Variants in ELP4 observed in about 807,000 individuals in gnomAD.
ELP4 encodes the protein elongator complex protein 4.
Under a neutral mutation model 48.9 loss-of-function variants are expected in ELP4, and 51 were observed. That is an observed-to-expected ratio of 1.04 (90% confidence interval 0.83 to 1.32). ELP4 has a LOEUF of 1.32. ELP4 is among the 40% of genes most tolerant of loss of function. The pLI, the probability that ELP4 is intolerant of heterozygous loss-of-function variation, is 0.00. For missense variants in ELP4, 519 were observed against 514.6 expected (o/e 1.01, Z -0.08); for synonymous variants, 210 against 189.2 (o/e 1.11, Z -0.90).
intron 9 of ELP4, among the ~76,000 whole-genome samples, chr11:31,755,326 T>TTTATTATTGCATAATGTTGCA: frequency 6.6e-6 from 1 of 152,312 alleles, no homozygotes; most frequent in South Asian, 2.1e-4. Context: ...GCAGACAAGA[T>TTTATTATTGCATAATGTTGCA]TCCTCAAAGG....
At chr11:31,555,370 CT>C (rs1956914183) in intron 3 of ELP4, among the ~76,000 whole-genome samples, 1 of 151,964 alleles carries the variant, frequency 6.6e-6, no homozygotes, top group Admixed American at 6.6e-5. Context: ...GAAAATATAT[CT>C]GGTTTTGGAC....
intron 3 of ELP4, 78 bp downstream of exon 3, chr11:31,539,861 A>T: frequency 8.2e-7 from 1 of 1,222,852 alleles, no homozygotes; most frequent in Non-Finnish European, 1.1e-6. Flanking sequence ...AACAAGATAT[A>T]TGTTTGTATA....
At chr11:31,581,079 G>A (rs373868230) in intron 3 of ELP4, among the ~76,000 whole-genome samples, 45 of 151,944 alleles carry the variant, frequency 3.0e-4, no homozygotes, top group Non-Finnish European at 3.5e-4. Context: ...TATGAATTAC[G>A]AATTCATCTC....
rs563707465 is a variant in ELP4 at position 31,549,663 on chromosome 11, T to C, written c.381+9880T>C. On this transcript the variant is annotated intron_variant, in intron 3 of 9. Coordinates refer to ENST00000640961, the MANE Select transcript of ELP4 (RefSeq NM_019040.5). ...TATATACCCAAAGGACTATAAATCA[T>C]GCTGCTATAAAGACACATGTACACG... is the stretch of plus-strand genomic sequence containing the variant. Among the ~76,000 whole-genome samples, 7 of 152,276 alleles carry C rather than the reference T, an allele frequency of 4.6e-5. No homozygotes were observed. The South Asian group carries it at 1.0e-3, about 23-fold the overall frequency.
At chr11:31,536,153 C>T (rs1956497695) in intron 2 of ELP4, among the ~76,000 whole-genome samples, 2 of 151,958 alleles carry the variant, frequency 1.3e-5, no homozygotes, top group African/African-American at 2.4e-5. Context: ...TTTCTCCCTT[C>T]AGCAAGTAGT....
chr11:31,700,768 A>C (rs991388435), intron 9 of ELP4, among the ~76,000 whole-genome samples: 19 of 152,130 alleles, frequency 1.2e-4, no homozygotes, highest in Non-Finnish European at 2.1e-4. Flanking sequence ...TAGATTCACC[A>C]AGAGGGCATG....
intron 9 of ELP4, among the ~76,000 whole-genome samples, chr11:31,666,088 A>AACTCT (rs1945669537): frequency 7.5e-6 from 1 of 134,180 alleles, no homozygotes; most frequent in Non-Finnish European, 1.5e-5. Context: ...GGCTCACTGC[A>AACTCT]ACCTCTGCCT....
intron 3 of ELP4, among the ~76,000 whole-genome samples, chr11:31,560,997 T>A (rs558111101): frequency 2.6e-5 from 4 of 152,222 alleles, no homozygotes; most frequent in Admixed American, 2.6e-4. Context: ...ATCTACCACC[T>A]ACATTTTTCT....
chr11:31,727,328 G>C (rs1172810310), intron 9 of ELP4, among the ~76,000 whole-genome samples: 1 of 152,080 alleles, frequency 6.6e-6, no homozygotes, highest in Non-Finnish European at 1.5e-5. Flanking sequence ...AAAAGAATTT[G>C]AGATCTTGAT....
intron 9 of ELP4, among the ~76,000 whole-genome samples, chr11:31,704,789 T>A (rs1396669789): frequency 6.6e-6 from 1 of 152,034 alleles, no homozygotes; most frequent in Non-Finnish European, 1.5e-5. Flanking sequence ...GGTGGGTGGA[T>A]CACCTGAGGT....
chr11:31,699,833 T>G (rs1454120849), intron 9 of ELP4, among the ~76,000 whole-genome samples: 1 of 152,090 alleles, frequency 6.6e-6, no homozygotes, highest in Non-Finnish European at 1.5e-5. Flanking sequence ...GTTAGTGGTT[T>G]CCCTGCCCAA....
At chr11:31,705,733 G>C (rs543161345) in intron 9 of ELP4, among the ~76,000 whole-genome samples, 9 of 152,232 alleles carry the variant, frequency 5.9e-5, no homozygotes, top group Admixed American at 2.6e-4. Flanking sequence ...TTTCTCTAGA[G>C]ACAAGAAATC....
intron 5 of ELP4, among the ~76,000 whole-genome samples, chr11:31,613,498 TC>T (rs1327078076): frequency 6.6e-6 from 1 of 152,112 alleles, no homozygotes; most frequent in Non-Finnish European, 1.5e-5. Flanking sequence ...GTAAAACTCT[TC>T]TTTTTAGAAT....
chr11:31,526,255 C>G (rs1956292513), intron 2 of ELP4, among the ~76,000 whole-genome samples: 1 of 152,094 alleles, frequency 6.6e-6, no homozygotes, highest in African/African-American at 2.4e-5. Context: ...TCATTTTATA[C>G]TAAAACATGA....
At chr11:31,566,268 T>C (rs1957109647) in intron 3 of ELP4, among the ~76,000 whole-genome samples, 1 of 151,778 alleles carries the variant, frequency 6.6e-6, no homozygotes. Flanking sequence ...TGGGGCAGGA[T>C]AATTGCTTGA....
intron 9 of ELP4, chr11:31,767,730 T>C (rs1948069897): frequency 6.6e-6 from 1 of 152,198 alleles, no homozygotes; most frequent in Non-Finnish European, 1.5e-5. Context: ...AGAAAAGCTT[T>C]CTATCTAAGG....
chr11:31,741,272 C>T (rs1027769380), intron 9 of ELP4, among the ~76,000 whole-genome samples: 2 of 152,176 alleles, frequency 1.3e-5, no homozygotes, highest in African/African-American at 4.8e-5. Context: ...TGGAGCCCAC[C>T]AGAGCTAAAG....
chr11:31,623,875 AT>A (rs35417487), intron 5 of ELP4, among the ~76,000 whole-genome samples: 91,734 of 151,364 alleles, frequency 0.61, 31,552 homozygotes, highest in Non-Finnish European at 0.76. Context: ...ATGAAAACAA[AT>A]AACTCAATTA....
At chr11:31,724,506 G>A (rs180798614) in intron 9 of ELP4, among the ~76,000 whole-genome samples, 20 of 152,328 alleles carry the variant, frequency 1.3e-4, no homozygotes, top group Admixed American at 5.9e-4. Flanking sequence ...ATAATAAGCC[G>A]TGTAATTCCT....
Sources: gnomAD v4.1 joint callset for allele counts (sites outside exome capture counted in the v4.1 genomes callset) on GRCh38, gnomAD v4.1.1 for gene constraint, MANE v1.5 for transcripts, NCBI Gene and HGNC (gene_info 2026-07-23, HGNC 2026-07-21) for gene names.